The following PSMD5 variants were observed in gnomAD, a reference collection of about 807,000 sequenced individuals.
The protein encoded by PSMD5 is 26S proteasome non-ATPase regulatory subunit 5.
PSMD5 carries 40 observed loss-of-function variants against 52.1 expected under a neutral mutation model. The observed-to-expected ratio is 0.77, with a 90% CI of 0.60 to 1.00. The LOEUF is 1.00. Among genes scored for constraint, PSMD5 ranks in the 50% least tolerant of loss-of-function variants. The probability of loss-of-function intolerance (pLI) is 0.00; values close to 1 mark genes in which losing one functional copy is unlikely to be tolerated. For synonymous variants in PSMD5, 211 were observed against 226.6 expected, an observed-to-expected ratio of 0.93 and a Z score of 0.62; for missense variants, 575 against 605.2, an observed-to-expected ratio of 0.95 and a Z score of 0.52.
chr9:120,821,813 G>A (rs1564474099), intron 7 of PSMD5, among the ~76,000 whole-genome samples: 1 of 152,204 alleles, frequency 6.6e-6, no homozygotes, highest in Non-Finnish European at 1.5e-5. Flanking sequence ...AGTGGCGCAG[G>A]CTTCCTCCAT....
Position 120,827,609 on chromosome 9 carries a change from C to G in PSMD5, c.672-702G>C, listed in dbSNP as rs551208190. 2.6e-5 allele frequency among the ~76,000 whole-genome samples: 4 copies of G among 152,152 alleles called. No homozygotes were observed. The South Asian group carries it at 8.3e-4, about 32-fold the overall frequency. On this transcript the variant is annotated intron_variant, in intron 5 of 9. Transcript: ENST00000210313. The stretch of plus-strand genomic sequence containing the variant: ...TGATACAATGCTAAAAAATAATTAA[C>G]AAAATTAATTGTCTCATTAGGTTGA...
rs1459443358 is a variant in PSMD5, at chr9:120,817,899, G to A, written c.*7C>T. The stretch of plus-strand genomic sequence containing the variant: ...AACGTGGTCCTCTACATGAGCTCTA[G>A]AAGAAATCATTCGGCTCCTTCTACT... On this transcript the variant is annotated 3_prime_UTR_variant, in exon 10 of 10. Transcript: ENST00000210313. 3 of 1,609,958 alleles carry A rather than the reference G, an allele frequency of 1.9e-6. No individual in the cohort carries two copies. The highest frequency in any genetic ancestry group is 2.5e-6 in the Non-Finnish European group (3 of 1,176,896).
Position 120,836,052 on chromosome 9 carries a change from C to G in PSMD5, c.174-2596G>C, listed in dbSNP as rs2045195988. Among the ~76,000 whole-genome samples the G allele has an allele frequency of 3.9e-5, 6 of 152,316 alleles. No individual in the cohort carries two copies. The South Asian group carries it at 1.2e-3, about 32-fold the overall frequency. On this transcript the variant is annotated intron_variant, in intron 1 of 9. Transcript: ENST00000210313. ...TGGCAACCACCATTCCACTTTCTGT[C>G]TCTCTAGATTTGACTACTCTAGGTA...
chr9:120,833,272 G>C (rs1156838285), intron 2 of PSMD5, 40 bp downstream of exon 2: 6 of 1,601,410 alleles, frequency 3.7e-6, no homozygotes, highest in African/African-American at 2.7e-5. Context: ...ACCTGGCCCA[G>C]AGCAGGTGGT....
chr9:120,827,683 A>G (rs957673137), intron 5 of PSMD5, among the ~76,000 whole-genome samples: 4 of 152,210 alleles, frequency 2.6e-5, no homozygotes, highest in Admixed American at 6.5e-5. Context: ...ATTTACTCAT[A>G]TGGGTTTAAT....
intron 1 of PSMD5, among the ~76,000 whole-genome samples, chr9:120,839,794 T>C (rs1243711827): frequency 1.4e-5 from 2 of 145,324 alleles, no homozygotes; most frequent in African/African-American, 5.0e-5. Flanking sequence ...AATGTTTTTT[T>C]AATCTTTTTT....
intron 1 of PSMD5, among the ~76,000 whole-genome samples, chr9:120,840,063 G>C (rs1375080783): frequency 6.9e-6 from 1 of 144,552 alleles, no homozygotes; most frequent in Admixed American, 7.1e-5. Context: ...GGGAGGCGAG[G>C]TTACAGTGAG....
intron 7 of PSMD5, among the ~76,000 whole-genome samples, chr9:120,822,359 A>T (rs1481675753): frequency 6.6e-6 from 1 of 152,180 alleles, no homozygotes; most frequent in Non-Finnish European, 1.5e-5. Context: ...AATTTGTATG[A>T]CCTTAGAAAT....
rs77059879 is a variant in PSMD5, at chr9:120,842,891, C to G, written c.19G>C (p.Ala7Pro). The G allele has an allele frequency of 1.9e-6, 3 of 1,593,630 alleles. No homozygotes were observed. The highest frequency in any genetic ancestry group is 2.3e-5 in the East Asian group (1 of 44,416). The change falls in exon 1 of 10, where the codon GCG becomes CCG. Residue 7 changes from alanine (A) to proline (P), a missense_variant. Physicochemically the swap from Ala to Pro is conservative, Grantham distance 27 (BLOSUM62 -1). Coordinates refer to ENST00000210313, the MANE Select transcript of PSMD5 (RefSeq NM_005047.4). ...AGCCTCGCTACCTCTCTCAGCAGCG[C>G]CAAAGCCTGGGCTGCCATCTTGCCC... MAAQALALLREVARLEA... is the reference protein window; with the variant it reads MAAQALPLLREVARLEA...
chr9:120,842,452 G>T (rs1486904147), intron 1 of PSMD5: 3 of 506,202 alleles, frequency 5.9e-6, no homozygotes, highest in Non-Finnish European at 1.1e-5. Flanking sequence ...TAAGTGGACA[G>T]CTTTGCTTTC....
chr9:120,840,839 C>T (rs1258277381), intron 1 of PSMD5, among the ~76,000 whole-genome samples: 2 of 151,852 alleles, frequency 1.3e-5, no homozygotes, highest in Non-Finnish European at 2.9e-5. Context: ...GGGTTGGTCT[C>T]GAACTCTTGA....
Position 120,818,084 on chromosome 9 carries a change from A to G in PSMD5, c.1337T>C (p.Val446Ala). ...GFVEYVVDRS[V>A]EHDKASKDAK... The stretch of plus-strand genomic sequence containing the variant: ...ATCCTTTGAAGCTTTGTCATGCTCC[A>G]CAGACCGGTCCACCACATATTCTAC... The change falls in exon 10 of 10, where the codon GTG becomes GCG. Residue 446 changes from valine to alanine, a missense_variant. By Grantham distance (64) the Val-to-Ala change is moderately conservative. Coordinates refer to ENST00000210313, the MANE Select transcript of PSMD5 (RefSeq NM_005047.4). The G allele has an allele frequency of 6.2e-7, 1 of 1,614,194 alleles. No homozygotes were observed. The highest frequency in any genetic ancestry group is 8.5e-7 in the Non-Finnish European group (1 of 1,180,018).
At chr9:120,836,188 A>G (rs947189397) in intron 1 of PSMD5, among the ~76,000 whole-genome samples, 2 of 152,236 alleles carry the variant, frequency 1.3e-5, no homozygotes, top group Non-Finnish European at 2.9e-5. Flanking sequence ...GGCAAGATGT[A>G]CAATATCCCA....
chr9:120,817,811 G>A lies in PSMD5; in HGVS notation c.*95C>T. 2 of 1,319,358 alleles carry A rather than the reference G, an allele frequency of 1.5e-6. No homozygotes were observed. The highest frequency in any genetic ancestry group is 4.5e-5 in the Admixed American group (2 of 44,164). The allele number at this position is 1,319,358 out of a possible 1,614,324, so 81.7% of individuals were successfully genotyped here. On this transcript the variant is annotated 3_prime_UTR_variant, in exon 10 of 10. Coordinates refer to ENST00000210313, the MANE Select transcript of PSMD5 (RefSeq NM_005047.4). Reference sequence around the variant, plus strand: ...CTGACATTCCATGATAATTCTTGGGGAAAGGAAGTCTCTTTTGTGAAATAT... The same window carrying A: ...CTGACATTCCATGATAATTCTTGGGAAAAGGAAGTCTCTTTTGTGAAATAT...
intron 7 of PSMD5, among the ~76,000 whole-genome samples, chr9:120,821,963 C>T (rs559517307): frequency 2.6e-5 from 4 of 152,088 alleles, no homozygotes; most frequent in South Asian, 2.1e-4. Flanking sequence ...TTGTGAATAA[C>T]GCTGCTATGA....
rs182482303 is a variant in PSMD5, at chr9:120,822,116, G to T, written c.1007-652C>A. On this transcript the variant is annotated intron_variant, in intron 7 of 9. Transcript: ENST00000210313. ...CATCCTAACACTTATTATTTTATGG[G>T]TTTTTTTTTAAAGTAATAGCCATCC... Among the ~76,000 whole-genome samples, 1,116 of 151,490 alleles carry T rather than the reference G, an allele frequency of 7.4e-3. 7 individuals carry two copies. The highest frequency in any genetic ancestry group is 0.01 in the Non-Finnish European group (710 of 67,782).
chr9:120,824,222 A>AGAGGG, intron 7 of PSMD5: 1 of 460,626 alleles, frequency 2.2e-6, no homozygotes, highest in Admixed American at 3.5e-5. Flanking sequence ...AAGACATCAT[A>AGAGGG]GAGGGGAAAC....
At chr9:120,841,012 A>G (rs1168132246) in intron 1 of PSMD5, among the ~76,000 whole-genome samples, 2 of 152,056 alleles carry the variant, frequency 1.3e-5, no homozygotes, top group African/African-American at 4.8e-5. Context: ...TCAGCCTCCC[A>G]AAGTGTTGGG....
At chr9:120,833,502 T>C in intron 1 of PSMD5, 46 bp from the exon 2 acceptor site, 2 of 1,569,292 alleles carry the variant, frequency 1.3e-6, no homozygotes, top group Non-Finnish European at 1.7e-6. Context: ...CCTGCCCAGG[T>C]AGGAAGTAAC....
Sources: allele counts gnomAD v4.1 joint callset (sites outside exome capture counted in the v4.1 genomes callset), GRCh38; gene constraint gnomAD v4.1.1; transcripts MANE v1.5; gene names NCBI Gene and HGNC (gene_info 2026-07-23, HGNC 2026-07-21).